RAI14: variants seen among roughly 807,000 people sequenced by gnomAD.
RAI14 encodes retinoic acid induced 14.
Under a neutral mutation model 115.4 loss-of-function variants are expected in RAI14, and 45 were observed. That is an observed-to-expected ratio of 0.39 (90% CI 0.31 to 0.50). The LOEUF (loss-of-function observed/expected upper bound fraction) is 0.50. RAI14 is among the 20% of genes least tolerant of loss of function. RAI14 has a pLI of 0.85. For synonymous variants in RAI14, 371 were observed against 415.4 expected (o/e 0.89, Z 1.30); for missense variants, 939 against 1,131.2 (o/e 0.83, Z 2.44).
At chr5:34,797,070 G>A (rs1448587632) in intron 4 of RAI14, among the ~76,000 whole-genome samples, 3 of 152,166 alleles carry the variant, frequency 2.0e-5, no homozygotes, top group African/African-American at 7.2e-5. Flanking sequence ...GGGGTCTCCA[G>A]CCTGGGATTC....
chr5:34,657,424 C>A (rs921895438), intron 1 of RAI14, among the ~76,000 whole-genome samples: 2 of 152,254 alleles, frequency 1.3e-5, no homozygotes, highest in African/African-American at 4.8e-5. Context: ...CAGATGCAGC[C>A]CAGCACAGCG....
Position 34,830,894 on chromosome 5 carries a change from C to CA in RAI14, c.*132dup. On this transcript the variant is annotated 3_prime_UTR_variant, in exon 18 of 18. Transcript: ENST00000265109. Reference sequence around the variant, plus strand: ...GGCCTAGCGTAGCTTCTTCCCTTTCCAAAGGTTTCTGAGGACTTCTCCCAG... The same window carrying CA: ...GGCCTAGCGTAGCTTCTTCCCTTTCCAAAAGGTTTCTGAGGACTTCTCCCAG... 1 of 1,474,194 alleles carries CA rather than the reference C, an allele frequency of 6.8e-7. No individual in the cohort carries two copies. Among genetic ancestry groups the CA allele is most frequent in the Non-Finnish European group, 9.0e-7 (1 of 1,108,774 alleles). The allele number at this position is 1,474,194 out of a possible 1,614,324, so 91.3% of individuals were successfully genotyped here.
chr5:34,715,713 T>C (rs1219941371), intron 2 of RAI14, among the ~76,000 whole-genome samples: 1 of 152,206 alleles, frequency 6.6e-6, no homozygotes, highest in Non-Finnish European at 1.5e-5. Context: ...TACCTGTTTG[T>C]TCATGATGTA....
intron 1 of RAI14, among the ~76,000 whole-genome samples, chr5:34,685,438 T>G (rs546148292): frequency 1.3e-5 from 2 of 152,126 alleles, no homozygotes; most frequent in Admixed American, 6.5e-5. Flanking sequence ...AGTGATACAA[T>G]GGACTGTCAG....
At chr5:34,695,793 A>G (rs1739153876) in intron 2 of RAI14, among the ~76,000 whole-genome samples, 1 of 147,726 alleles carries the variant, frequency 6.8e-6, no homozygotes, top group African/African-American at 2.5e-5. Flanking sequence ...AGTAAAGCAG[A>G]AGCACTTTCC....
At chr5:34,830,449 A>G (rs553483731) in intron 17 of RAI14, among the ~76,000 whole-genome samples, 1 of 152,202 alleles carries the variant, frequency 6.6e-6, no homozygotes, top group Non-Finnish European at 1.5e-5. Flanking sequence ...GACCCCAGAT[A>G]GCTTTTGCTG....
intron 1 of RAI14, among the ~76,000 whole-genome samples, chr5:34,672,566 A>G (rs1021059232): frequency 3.3e-5 from 5 of 152,208 alleles, no homozygotes; most frequent in African/African-American, 9.6e-5. Flanking sequence ...AGCTGCCTCC[A>G]TAGCCCAGGC....
intron 2 of RAI14, among the ~76,000 whole-genome samples, chr5:34,738,442 A>G (rs1346289573): frequency 1.3e-5 from 2 of 152,156 alleles, no homozygotes; most frequent in Non-Finnish European, 2.9e-5. Context: ...TGCCAGGAGC[A>G]GTGTGGAATT....
chr5:34,813,548 A>G (rs1170158540), intron 10 of RAI14, 26 bp from the exon 11 acceptor site: 1 of 1,574,460 alleles, frequency 6.4e-7, no homozygotes, highest in Non-Finnish European at 8.7e-7. Flanking sequence ...ACCCACCTCC[A>G]TTCTTTGGAC....
intron 2 of RAI14, among the ~76,000 whole-genome samples, chr5:34,705,930 C>T (rs1016800403): frequency 2.6e-5 from 4 of 152,112 alleles, no homozygotes; most frequent in Non-Finnish European, 5.9e-5. Flanking sequence ...TACAGGCATG[C>T]GCCACCACGC....
At chr5:34,829,188 CAT>C (rs1292960440) in intron 16 of RAI14, among the ~76,000 whole-genome samples, 4 of 150,494 alleles carry the variant, frequency 2.7e-5, no homozygotes, top group African/African-American at 4.9e-5. Flanking sequence ...TACACACACA[CAT>C]ATATATATAT....
intron 1 of RAI14, among the ~76,000 whole-genome samples, chr5:34,683,732 C>CTT (rs1336465132): frequency 1.4e-5 from 2 of 144,186 alleles, no homozygotes; most frequent in Admixed American, 6.9e-5. Context: ...CGATTCCCAC[C>CTT]TTTTTTTTTT....
intron 2 of RAI14, among the ~76,000 whole-genome samples, chr5:34,751,628 C>T (rs1027440702): frequency 5.9e-5 from 9 of 152,112 alleles, no homozygotes; most frequent in Non-Finnish European, 4.4e-5. Context: ...ATTTTCATTG[C>T]TGTGTGTTAT....
At chr5:34,694,012 G>C (rs185592480) in intron 2 of RAI14, among the ~76,000 whole-genome samples, 2 of 152,134 alleles carry the variant, frequency 1.3e-5, no homozygotes, top group Admixed American at 1.3e-4. Context: ...CTCTGTCTAC[G>C]TGGAGCTCCA....
intron 2 of RAI14, among the ~76,000 whole-genome samples, chr5:34,719,285 T>A (rs532616711): frequency 6.6e-6 from 1 of 152,318 alleles, no homozygotes; most frequent in Non-Finnish European, 1.5e-5. Context: ...GCATGGTGGC[T>A]GGGTTCCAAA....
chr5:34,660,769 G>C (rs4703470), intron 1 of RAI14, among the ~76,000 whole-genome samples: 59,417 of 150,678 alleles, frequency 0.39, 12,115 homozygotes, highest in African/African-American at 0.52. Context: ...TCAAATTGCT[G>C]GGCACATTCT....
intron 10 of RAI14, among the ~76,000 whole-genome samples, chr5:34,812,727 TA>T (rs1367900127): frequency 6.6e-6 from 1 of 152,222 alleles, no homozygotes; most frequent in Non-Finnish European, 1.5e-5. Flanking sequence ...CATGTAACTT[TA>T]AACTTGCTAC....
chr5:34,772,025 C>T lies in RAI14; in HGVS notation c.167+14427C>T, dbSNP rs115685800. Among the ~76,000 whole-genome samples the T allele has an allele frequency of 2.3e-3, 349 of 152,280 alleles. 1 individual carries two copies. The highest frequency in any genetic ancestry group is 8.0e-3 in the African/African-American group (332 of 41,562). On this transcript the variant is annotated intron_variant, in intron 3 of 17. Transcript: ENST00000265109. The stretch of plus-strand genomic sequence containing the variant: ...CTAGGCTTAAGTGATCCTCCCTCCT[C>T]ACCCTCTCAAGTAGGTGGGACTATA...
intron 2 of RAI14, among the ~76,000 whole-genome samples, chr5:34,696,068 C>T (rs1175342967): frequency 6.6e-6 from 1 of 152,196 alleles, no homozygotes; most frequent in Non-Finnish European, 1.5e-5. Flanking sequence ...AATACTCCTG[C>T]CTTGGCATCC....
Sources: gnomAD v4.1 joint callset for allele counts (sites outside exome capture counted in the v4.1 genomes callset) on GRCh38, gnomAD v4.1.1 for gene constraint, MANE v1.5 for transcripts, NCBI Gene and HGNC (gene_info 2026-07-23, HGNC 2026-07-21) for gene names.